Variants in ADGRV1 observed in about 807,000 individuals in gnomAD.
The protein encoded by ADGRV1 is adhesion G protein-coupled receptor V1.
A neutral mutation model predicts 596.2 loss-of-function variants in ADGRV1; 359 were observed. That is an observed-to-expected ratio of 0.60 (90% CI 0.55 to 0.66). ADGRV1 has a LOEUF of 0.66. Among genes scored for constraint, ADGRV1 ranks in the 30% least tolerant of loss-of-function variants. The probability of loss-of-function intolerance (pLI) is 0.00; values close to 1 mark genes in which losing one functional copy is unlikely to be tolerated. For synonymous variants in ADGRV1, 2,681 were observed against 2,679.2 expected, an observed-to-expected ratio of 1.00 and a Z score of -0.02; for missense variants, 7,274 against 7,575.6, an observed-to-expected ratio of 0.96 and a Z score of 1.48.
chr5:90,711,532 C>G (rs1749350136), intron 41 of ADGRV1, among the ~76,000 whole-genome samples: 1 of 152,020 alleles, frequency 6.6e-6, no homozygotes, highest in Admixed American at 6.6e-5. Context: ...CATTACTATT[C>G]TAAATGTTAT....
intron 77 of ADGRV1, among the ~76,000 whole-genome samples, chr5:90,830,061 C>T (rs1244480699): frequency 6.6e-6 from 1 of 152,090 alleles, no homozygotes; most frequent in Non-Finnish European, 1.5e-5. Flanking sequence ...GTTGTGTCAC[C>T]ATTGGGTGGC....
chr5:90,745,116 T>C lies in ADGRV1; in HGVS notation c.10620T>C (p.Ser3540=). 1 of 1,613,826 alleles carries C rather than the reference T, an allele frequency of 6.2e-7. No homozygotes were observed. Among genetic ancestry groups the C allele is most frequent in the Non-Finnish European group, 8.5e-7 (1 of 1,179,798 alleles). ...YCWNSERNQF[S]FVLEVPSAYD... ...GGAATTCGGAGCGTAATCAATTCTC[T>C]TTTGTTCTGGAAGTACCTTCTGCTT... The change falls in exon 51 of 90, where the codon TCT becomes TCC. Residue 3540 remains serine, a synonymous_variant. Transcript: ENST00000405460.
chr5:91,110,475 A>G (rs1389460255), intron 87 of ADGRV1, among the ~76,000 whole-genome samples: 3 of 152,176 alleles, frequency 2.0e-5, no homozygotes, highest in African/African-American at 7.2e-5. Context: ...TCATTATTAA[A>G]TATTTTGCAT....
At chr5:90,639,165 TAAGAA>T in intron 11 of ADGRV1, among the ~76,000 whole-genome samples, 1 of 151,972 alleles carries the variant, frequency 6.6e-6, no homozygotes, top group Non-Finnish European at 1.5e-5. Context: ...GACTCGATCT[TAAGAA>T]AAGGTATTTC....
At chr5:90,842,858 T>C (rs1380796388) in intron 78 of ADGRV1, among the ~76,000 whole-genome samples, 1 of 152,348 alleles carries the variant, frequency 6.6e-6, no homozygotes. Context: ...TTAAAAATAG[T>C]ATGATATAAT....
At chr5:90,599,308 C>G (rs1042212644) in intron 1 of ADGRV1, among the ~76,000 whole-genome samples, 1 of 152,132 alleles carries the variant, frequency 6.6e-6, no homozygotes, top group Non-Finnish European at 1.5e-5. Flanking sequence ...TTATACAGCT[C>G]TCACCCATCT....
intron 85 of ADGRV1, 33 bp downstream of exon 85, chr5:90,985,555 T>A: frequency 1.3e-6 from 2 of 1,565,634 alleles, no homozygotes; most frequent in Non-Finnish European, 1.8e-6. Flanking sequence ...TTGCCCTAGC[T>A]TTCATGTACC....
Position 90,627,374 on chromosome 5 carries a change from T to G in ADGRV1, c.836T>G (p.Leu279Arg). Residue 279 changes from leucine to arginine, a missense_variant, in exon 7 of 90, where the codon CTC (leucine) becomes CGC (arginine). Leu to Arg is a moderately radical substitution (Grantham distance 102). Around this residue, in one of 5 missense-constraint regions of ADGRV1, gnomAD observed 1,715 missense variants for 1,708.8 expected, o/e 1.00. Coordinates refer to ENST00000405460, the MANE Select transcript of ADGRV1 (RefSeq NM_032119.4). ...TTGGTTCCTGAGGAAGACCACATACTCATAATTCCAGTAGTTCGTGGAAAG... is the reference window on the plus strand; with the variant it reads ...TTGGTTCCTGAGGAAGACCACATACGCATAATTCCAGTAGTTCGTGGAAAG... ...IYLVPEEDHILIIPVVRGKDN... is the reference protein window; with the variant it reads ...IYLVPEEDHIRIIPVVRGKDN... 1 of 1,613,922 alleles carries G rather than the reference T, an allele frequency of 6.2e-7. No individual in the cohort carries two copies. The highest frequency in any genetic ancestry group is 8.5e-7 in the Non-Finnish European group (1 of 1,179,838).
At chr5:91,134,919 T>A (rs1180705248) in intron 87 of ADGRV1, among the ~76,000 whole-genome samples, 3 of 152,154 alleles carry the variant, frequency 2.0e-5, no homozygotes, top group African/African-American at 7.2e-5. Context: ...TTTTTTAATT[T>A]TAGAAAATTT....
chr5:90,945,486 A>G (rs1205494247), intron 83 of ADGRV1, among the ~76,000 whole-genome samples: 1 of 152,148 alleles, frequency 6.6e-6, no homozygotes, highest in Non-Finnish European at 1.5e-5. Context: ...CTTCCATAGG[A>G]GGGCATTGGC....
intron 83 of ADGRV1, among the ~76,000 whole-genome samples, chr5:90,929,084 T>A (rs1041695835): frequency 1.8e-4 from 27 of 148,062 alleles, no homozygotes; most frequent in Admixed American, 3.7e-4. Flanking sequence ...GCTGTCTTTT[T>A]GTTTGTCTGT....
rs889990150 is a variant in ADGRV1, at chr5:91,081,582, G to C, written c.18310+8978G>C. On this transcript the variant is annotated intron_variant, in intron 86 of 89. Transcript: ENST00000405460. The stretch of plus-strand genomic sequence containing the variant: ...GTGAATCATCTGAGGTCAGGAGTTC[G>C]AGACCAGCCTGGCCAACATAGTGTG... Among the ~76,000 whole-genome samples, 24 of 152,152 alleles carry C rather than the reference G, an allele frequency of 1.6e-4. No individual in the cohort carries two copies. The South Asian group carries it at 2.5e-3, about 16-fold the overall frequency.
intron 1 of ADGRV1, among the ~76,000 whole-genome samples, chr5:90,596,713 C>A (rs142783850): frequency 0.078 from 11,803 of 152,068 alleles, 1,536 homozygotes; most frequent in African/African-American, 0.27. Context: ...TCAGGCAGGG[C>A]GGTTGCAGTG....
At chr5:90,668,607 G>C (rs987982331) in intron 21 of ADGRV1, among the ~76,000 whole-genome samples, 3 of 151,992 alleles carry the variant, frequency 2.0e-5, no homozygotes, top group African/African-American at 4.8e-5. Flanking sequence ...GACCAGAGCT[G>C]TTCCTATTCG....
intron 85 of ADGRV1, among the ~76,000 whole-genome samples, chr5:91,064,835 T>C (rs1164446211): frequency 6.6e-6 from 1 of 152,216 alleles, no homozygotes; most frequent in East Asian, 1.9e-4. Flanking sequence ...CTTAAAGTGT[T>C]TCTCTAAGTC....
chr5:90,877,222 T>A (rs1469703610), intron 83 of ADGRV1, among the ~76,000 whole-genome samples: 1 of 152,150 alleles, frequency 6.6e-6, no homozygotes, highest in Non-Finnish European at 1.5e-5. Flanking sequence ...GCAGGATTAG[T>A]GACGCAAAAA....
At chr5:90,746,572 C>G (rs1054486282) in intron 52 of ADGRV1, among the ~76,000 whole-genome samples, 2 of 152,284 alleles carry the variant, frequency 1.3e-5, no homozygotes, top group South Asian at 4.2e-4. Context: ...GTTGGATACT[C>G]TACCATGTCA....
At chr5:90,911,101 A>G (rs953933130) in intron 83 of ADGRV1, among the ~76,000 whole-genome samples, 3 of 152,184 alleles carry the variant, frequency 2.0e-5, no homozygotes, top group Non-Finnish European at 4.4e-5. Context: ...CTACAAATAA[A>G]CCTGGTAATG....
intron 4 of ADGRV1, 108 bp from the exon 5 acceptor site, chr5:90,622,489 T>TG (rs1764218516): frequency 2.3e-6 from 1 of 430,158 alleles, no homozygotes; most frequent in Non-Finnish European, 4.2e-6. Context: ...TCGTACAGTG[T>TG]GGATTGATGT....
Sources: allele counts gnomAD v4.1 joint callset (sites outside exome capture counted in the v4.1 genomes callset), GRCh38; gene constraint gnomAD v4.1.1; regional missense constraint gnomAD v4.1.1; transcripts MANE v1.5; gene names NCBI Gene and HGNC (gene_info 2026-07-23, HGNC 2026-07-21).